Variants in KIF9 observed in about 807,000 individuals in gnomAD.
KIF9 encodes kinesin-like protein KIF9.
In KIF9, 68 loss-of-function variants were observed where a neutral mutation model predicts 94.8. The ratio of observed to expected loss-of-function variants is 0.72; its 90% CI spans 0.59 to 0.88. The LOEUF is 0.88. KIF9 is among the 40% of genes least tolerant of loss of function. KIF9 has a pLI of 0.00. For missense variants in KIF9, 882 were observed against 982.5 expected (o/e 0.90, Z 1.37); for synonymous variants, 343 against 362.1 (o/e 0.95, Z 0.60).
intron 10 of KIF9, among the ~76,000 whole-genome samples, chr3:47,248,447 T>G (rs949129526): frequency 6.6e-6 from 1 of 152,024 alleles, no homozygotes; most frequent in African/African-American, 2.4e-5. Flanking sequence ...CCAGAATGCT[T>G]TCTTTTTTTT....
At chr3:47,265,631 G>A (rs1559457741) in intron 8 of KIF9, 99 bp downstream of exon 8, 1 of 1,286,896 alleles carries the variant, frequency 7.8e-7, no homozygotes, top group Non-Finnish European at 1.1e-6. Context: ...ATGCCACCAG[G>A]AGGGAGCAAT....
In KIF9 at chr3:47,244,928, C is replaced by A; in HGVS notation, c.1381-4G>T. On this transcript the variant is annotated splice_polypyrimidine_tract_variant and splice_region_variant and intron_variant, in intron 14 of 20. Coordinates refer to ENST00000684063, the MANE Select transcript of KIF9 (RefSeq NM_182902.4). ...CATCAACATCCACAAGCCCCGCCTA[C>A]ATAGAGAGGCCAGCCAAAGGTCTGT... 1 of 1,613,992 alleles carries A rather than the reference C, an allele frequency of 6.2e-7. No homozygotes were observed.
At chr3:47,264,185 T>C (rs1353100118) in intron 9 of KIF9, 101 bp downstream of exon 9, 14 of 881,992 alleles carry the variant, frequency 1.6e-5, no homozygotes, top group Non-Finnish European at 2.7e-5. Flanking sequence ...CTTGACAATG[T>C]CTATGGCCAC....
At chr3:47,275,619 CA>C in intron 2 of KIF9, 129 bp from the exon 3 acceptor site, 1 of 663,202 alleles carries the variant, frequency 1.5e-6, no homozygotes, top group African/African-American at 1.8e-5. Context: ...TGGGGACTCC[CA>C]CGTAGGGGCT....
intron 17 of KIF9, among the ~76,000 whole-genome samples, chr3:47,237,428 T>C (rs963573270): frequency 6.6e-5 from 10 of 152,306 alleles, no homozygotes; most frequent in South Asian, 2.1e-4. Context: ...TGATTAGACA[T>C]CTATATCGTG....
In KIF9 at chr3:47,228,390, A is replaced by G; in HGVS notation, c.*262T>C. On this transcript the variant is annotated 3_prime_UTR_variant, in exon 21 of 21. Transcript: ENST00000684063. ...GGAAATAAGACAAAGTTCTCAGATG[A>G]GCACTGAAAGTCCAAACTAGAAAGT... 2.2e-6 allele frequency: 1 copy of G among 460,460 alleles called. No individual in the cohort carries two copies. The highest frequency in any genetic ancestry group is 3.9e-6 in the Non-Finnish European group (1 of 253,668). The allele number at this position is 460,460 out of a possible 1,614,324, so 28.5% of individuals were successfully genotyped here.
At chr3:47,255,410 G>A (rs368636994) in intron 10 of KIF9, among the ~76,000 whole-genome samples, 15 of 152,150 alleles carry the variant, frequency 9.9e-5, no homozygotes, top group African/African-American at 3.6e-4. Context: ...TTACTGGGAC[G>A]AAAGAGATTC....
intron 2 of KIF9, among the ~76,000 whole-genome samples, chr3:47,276,555 C>CAA (rs752825599): frequency 1.9e-4 from 11 of 58,684 alleles, no homozygotes; most frequent in African/African-American, 5.1e-4. Flanking sequence ...GACTCTGTCT[C>CAA]AAAAAAAAAA....
chr3:47,282,227 G>A, intron 1 of KIF9: 1 of 985,498 alleles, frequency 1.0e-6, no homozygotes, highest in South Asian at 4.7e-5. Context: ...ACGACCTCTG[G>A]CTCCCTGCCT....
chr3:47,229,720 C>T (rs1281115493), intron 20 of KIF9, among the ~76,000 whole-genome samples: 3 of 151,958 alleles, frequency 2.0e-5, no homozygotes, highest in Admixed American at 1.3e-4. Flanking sequence ...CAGGACTCCT[C>T]TGCTTAATGA....
At chr3:47,260,168 T>C (rs1700874237) in intron 9 of KIF9, among the ~76,000 whole-genome samples, 1 of 131,208 alleles carries the variant, frequency 7.6e-6, no homozygotes, top group South Asian at 2.9e-4. Flanking sequence ...AGCATTGAGA[T>C]GTTTATGTGT....
Position 47,264,112 on chromosome 3 carries a change from T to C in KIF9, c.981+174A>G. 6.6e-6 allele frequency: 4 copies of C among 604,304 alleles called. No homozygotes were observed. In the South Asian group the frequency reaches 6.9e-5, roughly 10 times the overall value. 37.4% of individuals were successfully genotyped at this position (604,304 alleles called of 1,614,324 possible). On this transcript the variant is annotated intron_variant, in intron 9 of 20. Coordinates refer to ENST00000684063, the MANE Select transcript of KIF9 (RefSeq NM_182902.4). ...TCCGCACAGCTTAGTGCTTGGTGTG[T>C]GGATCCTAGCTCTGGGCCCCCTCAG...
At chr3:47,232,577 G>A (rs1380592962) in intron 20 of KIF9, among the ~76,000 whole-genome samples, 6 of 151,786 alleles carry the variant, frequency 4.0e-5, no homozygotes, top group South Asian at 2.1e-4. Flanking sequence ...GAGCCACCGC[G>A]CCCAGCCCAT....
At chr3:47,264,694 T>C (rs1006638109) in intron 8 of KIF9, among the ~76,000 whole-genome samples, 1 of 152,228 alleles carries the variant, frequency 6.6e-6, no homozygotes, top group Non-Finnish European at 1.5e-5. Context: ...TGTCTCAGCC[T>C]CCCAAAATGC....
At position 47,282,530 on chromosome 3, in the gene KIF9, G is replaced by A; in HGVS notation, c.-41C>T. ...GCAGCGACGCTCCCGGGACGCGACTGCCGCAACCGAAACCACCTGCACTCC... is the reference window on the plus strand; with the variant it reads ...GCAGCGACGCTCCCGGGACGCGACTACCGCAACCGAAACCACCTGCACTCC... On this transcript the variant is annotated 5_prime_UTR_variant, in exon 1 of 21. Transcript: ENST00000684063. 2.0e-6 allele frequency: 2 copies of A among 998,434 alleles called. No individual in the cohort carries two copies. Among genetic ancestry groups the A allele is most frequent in the Non-Finnish European group, 2.4e-6 (2 of 837,264 alleles). The allele number at this position is 998,434 out of a possible 1,614,324, so 61.8% of individuals were successfully genotyped here. A position where few individuals can be genotyped will look rare whatever the true frequency, so the allele number is the denominator to read the frequency against.
intron 17 of KIF9, among the ~76,000 whole-genome samples, chr3:47,238,869 T>C (rs751262901): frequency 1.4e-4 from 21 of 152,044 alleles, no homozygotes; most frequent in Non-Finnish European, 2.8e-4. Context: ...TTCACCGTGT[T>C]AGCCAGGATG....
intron 5 of KIF9, among the ~76,000 whole-genome samples, chr3:47,270,096 G>A (rs1701546951): frequency 6.6e-6 from 1 of 151,816 alleles, no homozygotes; most frequent in African/African-American, 2.4e-5. Flanking sequence ...TGGAGATGAG[G>A]TTTCACCATG....
intron 8 of KIF9, among the ~76,000 whole-genome samples, chr3:47,265,511 A>G (rs1701234594): frequency 6.6e-6 from 1 of 152,198 alleles, no homozygotes; most frequent in African/African-American, 2.4e-5. Context: ...ACAGGTAAAA[A>G]GCCTAAGGAA....
chr3:47,276,555 C>CAAAAAAAAAAAAA (rs752825599), intron 2 of KIF9, among the ~76,000 whole-genome samples: 1 of 58,692 alleles, frequency 1.7e-5, no homozygotes. Flanking sequence ...GACTCTGTCT[C>CAAAAAAAAAAAAA]AAAAAAAAAA....
Sources: allele counts gnomAD v4.1 joint callset (sites outside exome capture counted in the v4.1 genomes callset), GRCh38; gene constraint gnomAD v4.1.1; transcripts MANE v1.5; gene names NCBI Gene and HGNC (gene_info 2026-07-23, HGNC 2026-07-21).